STK32B: variants seen among roughly 807,000 people sequenced by gnomAD.
STK32B encodes serine/threonine kinase 32B, also known as serine/threonine-protein kinase 32B.
Under a neutral mutation model 52.6 loss-of-function variants are expected in STK32B, and 43 were observed. The ratio of observed to expected loss-of-function variants is 0.82; its 90% confidence interval spans 0.64 to 1.05. The LOEUF is 1.05. Ranked by LOEUF, STK32B falls within the 50% of genes least tolerant of loss-of-function variation. The pLI, the probability that STK32B is intolerant of heterozygous loss-of-function variation, is 0.00. For synonymous variants in STK32B, 238 were observed against 204.3 expected (o/e 1.17, Z -1.41); for missense variants, 621 against 534.6 (o/e 1.16, Z -1.59).
At chr4:5,345,974 C>T (rs571871093) in intron 4 of STK32B, among the ~76,000 whole-genome samples, 54 of 152,208 alleles carry the variant, frequency 3.5e-4, no homozygotes, top group Non-Finnish European at 5.6e-4. Context: ...ATTGAGTTTG[C>T]ATGAACTGAT....
intron 3 of STK32B, among the ~76,000 whole-genome samples, chr4:5,233,445 T>A (rs780820471): frequency 1.3e-5 from 2 of 152,100 alleles, no homozygotes; most frequent in African/African-American, 2.4e-5. Flanking sequence ...GGACAGCTGA[T>A]ATACTGGAAT....
At chr4:5,375,927 C>A (rs1735559479) in intron 4 of STK32B, among the ~76,000 whole-genome samples, 1 of 152,298 alleles carries the variant, frequency 6.6e-6, no homozygotes. Context: ...ACAGTTCAGA[C>A]CTTGGCTTAC....
chr4:5,072,692 A>T (rs1350868740), intron 1 of STK32B, among the ~76,000 whole-genome samples: 13 of 152,182 alleles, frequency 8.5e-5, no homozygotes, highest in Admixed American at 8.5e-4. Flanking sequence ...TCTACACTTG[A>T]AAGGAATATA....
chr4:5,256,884 G>C (rs1726338868), intron 3 of STK32B, among the ~76,000 whole-genome samples: 1 of 152,194 alleles, frequency 6.6e-6, no homozygotes, highest in African/African-American at 2.4e-5. Flanking sequence ...GGATATTGGG[G>C]CTGCCTTGAC....
intron 4 of STK32B, among the ~76,000 whole-genome samples, chr4:5,334,825 G>A (rs918374113): frequency 2.3e-4 from 35 of 152,212 alleles, no homozygotes; most frequent in Middle Eastern, 6.8e-3. Flanking sequence ...TGGGGATGAA[G>A]CCCACTTGAT....
At chr4:5,183,150 C>T (rs1720484197) in intron 3 of STK32B, among the ~76,000 whole-genome samples, 2 of 152,082 alleles carry the variant, frequency 1.3e-5, no homozygotes, top group African/African-American at 4.8e-5. Flanking sequence ...TGCATTAGCC[C>T]CTAGCAAGAG....
intron 4 of STK32B, among the ~76,000 whole-genome samples, chr4:5,356,859 G>A (rs960863930): frequency 1.3e-5 from 2 of 152,068 alleles, no homozygotes. Context: ...TTAGCCAGAC[G>A]TGGTGGCACA....
chr4:5,082,995 T>C (rs1213652407), intron 1 of STK32B, among the ~76,000 whole-genome samples: 1 of 152,222 alleles, frequency 6.6e-6, no homozygotes, highest in Non-Finnish European at 1.5e-5. Flanking sequence ...AATATTACAA[T>C]AAACGAACAC....
rs537151976 is a variant in STK32B, at chr4:5,484,602, T to C, written c.1107-14343T>C. Among the ~76,000 whole-genome samples, 107 of 152,316 alleles carry C rather than the reference T, an allele frequency of 7.0e-4. 2 individuals carry two copies. The highest frequency in any genetic ancestry group is 2.5e-3 in the African/African-American group (104 of 41,570). On this transcript the variant is annotated intron_variant, in intron 11 of 11. Coordinates refer to ENST00000282908, the MANE Select transcript of STK32B (RefSeq NM_018401.3). ...AGCCCATTTACATTTCAGGTTAATA[T>C]TGTTACGTGTGAATTTGATCCTGTC...
intron 5 of STK32B, among the ~76,000 whole-genome samples, chr4:5,412,138 G>A (rs1447034211): frequency 6.6e-6 from 1 of 152,094 alleles, no homozygotes; most frequent in African/African-American, 2.4e-5. Context: ...AACAGGCCTG[G>A]GAGCACGGTT....
chr4:5,377,235 TCA>T (rs1735645778), intron 4 of STK32B, among the ~76,000 whole-genome samples: 1 of 152,198 alleles, frequency 6.6e-6, no homozygotes, highest in Non-Finnish European at 1.5e-5. Context: ...CATTAAAAAT[TCA>T]CACTTTTAAA....
intron 3 of STK32B, among the ~76,000 whole-genome samples, chr4:5,213,379 G>A (rs901046255): frequency 1.3e-5 from 2 of 152,162 alleles, no homozygotes; most frequent in Admixed American, 1.3e-4. Flanking sequence ...CTTAAGTCAG[G>A]CCATGCCCCA....
chr4:5,324,810 G>T, intron 3 of STK32B, among the ~76,000 whole-genome samples: 1 of 152,352 alleles, frequency 6.6e-6, no homozygotes, highest in South Asian at 2.1e-4. Flanking sequence ...GTGTGGAATT[G>T]TGAGAGTGTG....
chr4:5,209,437 T>C (rs1289634013), intron 3 of STK32B, among the ~76,000 whole-genome samples: 1 of 152,180 alleles, frequency 6.6e-6, no homozygotes, highest in Non-Finnish European at 1.5e-5. Context: ...TTGCCCAAGC[T>C]GTTCTCAAAT....
At chr4:5,305,552 C>T (rs1729869229) in intron 3 of STK32B, among the ~76,000 whole-genome samples, 1 of 152,022 alleles carries the variant, frequency 6.6e-6, no homozygotes, top group Admixed American at 6.6e-5. Context: ...TGTAATACCT[C>T]CCATTTCGTT....
upstream of STK32B, among the ~76,000 whole-genome samples, chr4:5,049,740 TCA>T (rs71638588): frequency 0.58 from 88,444 of 151,674 alleles, 26,269 homozygotes; most frequent in East Asian, 0.88. Flanking sequence ...GGCCTGGCAA[TCA>T]CACCCAGCTA....
chr4:5,088,907 A>G (rs147510005), intron 1 of STK32B, among the ~76,000 whole-genome samples: 2 of 151,778 alleles, frequency 1.3e-5, no homozygotes, highest in East Asian at 2.0e-4. Flanking sequence ...AGAACAAACT[A>G]AATCCAACAC....
At chr4:5,379,682 A>G (rs752129033) in intron 4 of STK32B, among the ~76,000 whole-genome samples, 49 of 152,118 alleles carry the variant, frequency 3.2e-4, no homozygotes, top group Middle Eastern at 3.2e-3. Context: ...CCATTAGAAC[A>G]CAGACACACA....
rs550089381 is a variant in STK32B at position 5,438,554 on chromosome 4, C to G, written c.563-8119C>G. The stretch of plus-strand genomic sequence containing the variant: ...GGTAACTGATGGACGATGGGGAGGC[C>G]AAGCATGGCAGAGGAAGCGGAGGTT... On this transcript the variant is annotated intron_variant, in intron 6 of 11. Coordinates refer to ENST00000282908, the MANE Select transcript of STK32B (RefSeq NM_018401.3). 1.1e-4 allele frequency among the ~76,000 whole-genome samples: 17 copies of G among 152,246 alleles called. No individual in the cohort carries two copies. The South Asian group carries it at 3.5e-3, about 32-fold the overall frequency.
Sources: allele counts gnomAD v4.1 joint callset (sites outside exome capture counted in the v4.1 genomes callset), GRCh38; gene constraint gnomAD v4.1.1; transcripts MANE v1.5; gene names NCBI Gene and HGNC (gene_info 2026-07-23, HGNC 2026-07-21).